IL17RA: variants seen among roughly 807,000 people sequenced by gnomAD.
The protein encoded by IL17RA is interleukin-17 receptor A.
Under a neutral mutation model 50.4 loss-of-function variants are expected in IL17RA, and 34 were observed. The observed-to-expected ratio is 0.67, with a 90% confidence interval of 0.51 to 0.90. IL17RA has a LOEUF of 0.90. Ranked by LOEUF, IL17RA falls within the 40% of genes least tolerant of loss-of-function variation. IL17RA has a pLI of 0.00. For synonymous variants in IL17RA, 585 were observed against 510.4 expected, an observed-to-expected ratio of 1.15 and a Z score of -1.97; for missense variants, 1,276 against 1,169.8, an observed-to-expected ratio of 1.09 and a Z score of -1.32.
chr22:17,094,683 C>CTATATA (rs1391959400), intron 1 of IL17RA, among the ~76,000 whole-genome samples: 1 of 47,030 alleles, frequency 2.1e-5, no homozygotes, highest in African/African-American at 1.1e-4. Flanking sequence ...CTCTCTCTCT[C>CTATATA]TCTCTCTCTA....
chr22:17,105,831 CACG>C lies in IL17RA; in HGVS notation c.944-21_944-19del. 6.2e-6 allele frequency: 10 copies of C among 1,600,514 alleles called. No individual in the cohort carries two copies. On this transcript the variant is annotated intron_variant, in intron 10 of 12. Coordinates refer to ENST00000319363, the MANE Select transcript of IL17RA (RefSeq NM_014339.7). ...GCAGGGCAGGCCCCGCCGCATCACT[CACG>C]CTGTTCTGCTCACCGCAGACTACAT...
At chr22:17,105,498 T>C in intron 9 of IL17RA, 93 bp from the exon 10 acceptor site, 1 of 1,270,082 alleles carries the variant, frequency 7.9e-7, no homozygotes, top group Non-Finnish European at 1.2e-6. Flanking sequence ...GCCAACATCA[T>C]TAAAGCCCTC....
intron 11 of IL17RA, among the ~76,000 whole-genome samples, chr22:17,106,908 G>A (rs1396836934): frequency 1.3e-5 from 2 of 152,160 alleles, no homozygotes; most frequent in African/African-American, 4.8e-5. Flanking sequence ...TCTGTTTTCC[G>A]AAGTGTCCTG....
intron 1 of IL17RA, among the ~76,000 whole-genome samples, chr22:17,090,097 A>T (rs1034314966): frequency 2.6e-5 from 4 of 152,038 alleles, no homozygotes; most frequent in African/African-American, 9.7e-5. Flanking sequence ...ATCTCTGCTC[A>T]CTGCAGCTTC....
chr22:17,096,795 G>T (rs41512346), intron 1 of IL17RA, among the ~76,000 whole-genome samples: 27 of 151,626 alleles, frequency 1.8e-4, no homozygotes, highest in African/African-American at 6.1e-4. Flanking sequence ...GCGTGAACCC[G>T]GGAGGCGGAG....
intron 1 of IL17RA, among the ~76,000 whole-genome samples, chr22:17,091,531 T>C (rs765404319): frequency 1.1e-4 from 17 of 151,878 alleles, no homozygotes; most frequent in Non-Finnish European, 2.1e-4. Flanking sequence ...AAAAAAAAAT[T>C]AGCCAGGCGT....
At chr22:17,087,462 A>G (rs1335554325) in intron 1 of IL17RA, among the ~76,000 whole-genome samples, 1 of 152,266 alleles carries the variant, frequency 6.6e-6, no homozygotes. Flanking sequence ...AGGCTTCTGC[A>G]CACCTGGCCT....
chr22:17,085,172 C>A lies in IL17RA; in HGVS notation c.81C>A (p.Ala27=). The A allele has an allele frequency of 6.6e-7, 1 of 1,524,966 alleles. No homozygotes were observed. Among genetic ancestry groups the A allele is most frequent in the Non-Finnish European group, 8.8e-7 (1 of 1,141,672 alleles). 94.5% of individuals were successfully genotyped at this position (1,524,966 alleles called of 1,614,324 possible). Residue 27 remains alanine (A), a synonymous_variant, in exon 1 of 13, where the codon GCC becomes GCA. Transcript: ENST00000319363. ...GLLLLLLGVL[A]PGGASLRLLD... is the part of the protein sequence containing the mutation. ...TCCTGCTGCTCCTGGGCGTGCTGGC[C>A]CCGGGTGGCGCCTCCCTGCGACTCC...
intron 1 of IL17RA, among the ~76,000 whole-genome samples, chr22:17,096,606 C>T (rs1001577926): frequency 5.9e-5 from 9 of 152,148 alleles, no homozygotes; most frequent in African/African-American, 2.2e-4. Flanking sequence ...CGCGGTGGCT[C>T]ACGCTTGTAA....
chr22:17,109,637 G>A lies in IL17RA; in HGVS notation c.2418G>A (p.Glu806=). The A allele has an allele frequency of 3.1e-6, 5 of 1,608,582 alleles. No homozygotes were observed. Among genetic ancestry groups the A allele is most frequent in the Non-Finnish European group, 4.2e-6 (5 of 1,178,026 alleles). The change falls in exon 13 of 13, where the codon GAG becomes GAA. Residue 806 remains glutamate, a synonymous_variant. Coordinates refer to ENST00000319363, the MANE Select transcript of IL17RA (RefSeq NM_014339.7). ...CCAGGAGCTCCCCGCAGCCCCCCGA[G>A]GGACTCACGGAAATGGAGGAAGAGG... The part of the protein sequence containing the change: ...YISRSSPQPP[E]GLTEMEEEEE...
rs1313872447 is a variant in IL17RA at position 17,086,491 on chromosome 22, C to A, written c.138+1262C>A. Among the ~76,000 whole-genome samples, 3 of 152,194 alleles carry A rather than the reference C, an allele frequency of 2.0e-5. No individual in the cohort carries two copies. In the East Asian group the frequency reaches 5.8e-4, roughly 29 times the overall value. On this transcript the variant is annotated intron_variant, in intron 1 of 12. Coordinates refer to ENST00000319363, the MANE Select transcript of IL17RA (RefSeq NM_014339.7). ...TCCCTCCTGCAGGCTGTGTATGAAGCGTTCTGATATGGAGGGTTGGTGCGC... is the reference window on the plus strand; with the variant it reads ...TCCCTCCTGCAGGCTGTGTATGAAGAGTTCTGATATGGAGGGTTGGTGCGC...
intron 1 of IL17RA, among the ~76,000 whole-genome samples, chr22:17,091,665 G>C (rs1013231333): frequency 2.0e-5 from 3 of 150,670 alleles, no homozygotes; most frequent in African/African-American, 7.4e-5. Flanking sequence ...GTGACAGAGC[G>C]AGACTCTGTC....
chr22:17,091,005 A>G (rs2061345972), intron 1 of IL17RA, among the ~76,000 whole-genome samples: 1 of 152,148 alleles, frequency 6.6e-6, no homozygotes, highest in Non-Finnish European at 1.5e-5. Context: ...CCTAGAGCAC[A>G]CTGTTCTCCA....
At chr22:17,099,770 G>A (rs1243602467) in intron 4 of IL17RA, among the ~76,000 whole-genome samples, 1 of 152,108 alleles carries the variant, frequency 6.6e-6, no homozygotes, top group East Asian at 1.9e-4. Context: ...CTAGAATGGG[G>A]GTTGGAGTCG....
chr22:17,097,102 C>G lies in IL17RA; in HGVS notation c.163+16C>G, dbSNP rs1016620043. The stretch of plus-strand genomic sequence containing the variant: ...GTCAAGAATAGTAAGTCATCTTTTT[C>G]TGTTCTTCTTCTTGTTGCCTTCTTA... On this transcript the variant is annotated intron_variant, in intron 2 of 12. Transcript: ENST00000319363. 3.7e-6 allele frequency: 6 copies of G among 1,611,872 alleles called. No individual in the cohort carries two copies. Among genetic ancestry groups the G allele is most frequent in the South Asian group, 3.3e-5 (3 of 91,032 alleles).
Position 17,085,014 on chromosome 22 carries a change from C to G in IL17RA, c.-78C>G. ...AAAGTGGAGCCGACTCGAACTCCAC[C>G]GCGGAAAAGAAAGCCTCAGAACGTT... On this transcript the variant is annotated 5_prime_UTR_variant, in exon 1 of 13. Transcript: ENST00000319363. The G allele has an allele frequency of 3.9e-6, 5 of 1,268,480 alleles. No homozygotes were observed. Among genetic ancestry groups the G allele is most frequent in the Non-Finnish European group, 5.0e-6 (5 of 1,003,846 alleles). The allele number at this position is 1,268,480 out of a possible 1,614,324, so 78.6% of individuals were successfully genotyped here.
rs762177800 is a variant in IL17RA at position 17,098,818 on chromosome 22, G to A, written c.354G>A (p.Gln118=). 2.0e-5 allele frequency: 32 copies of A among 1,614,118 alleles called. No individual in the cohort carries two copies. Among genetic ancestry groups the A allele is most frequent in the Non-Finnish European group, 2.7e-5 (32 of 1,180,048 alleles). The change falls in exon 4 of 13, where the codon CAG becomes CAA. Residue 118 remains glutamine (Q), a synonymous_variant. Coordinates refer to ENST00000319363, the MANE Select transcript of IL17RA (RefSeq NM_014339.7). Reference sequence around the variant, plus strand: ...AGGGTGCAGAGTTATCTGTCCTGCAGCTGAACACCAATGAACGTTTGTGCG... The same window carrying A: ...AGGGTGCAGAGTTATCTGTCCTGCAACTGAACACCAATGAACGTTTGTGCG... ...YLEGAELSVL[Q]LNTNERLCVR...
At position 17,110,071 on chromosome 22, in the gene IL17RA, G is replaced by T. The variant is rs998416948; in HGVS notation, c.*251G>T. Reference sequence around the variant, plus strand: ...GAGCTAATGGTAGAGCGTCCTTGAGGCTCCATTATTCGTTCATTCAGCATT... The same window carrying T: ...GAGCTAATGGTAGAGCGTCCTTGAGTCTCCATTATTCGTTCATTCAGCATT... On this transcript the variant is annotated 3_prime_UTR_variant, in exon 13 of 13. Coordinates refer to ENST00000319363, the MANE Select transcript of IL17RA (RefSeq NM_014339.7). 8 of 553,882 alleles carry T rather than the reference G, an allele frequency of 1.4e-5. No homozygotes were observed. Among genetic ancestry groups the T allele is most frequent in the Non-Finnish European group, 2.6e-5 (8 of 309,102 alleles). The allele number at this position is 553,882 out of a possible 1,614,324, so 34.3% of individuals were successfully genotyped here.
rs2061426881 is a variant in IL17RA at position 17,108,959 on chromosome 22, C to T, written c.1740C>T (p.Arg580=). ...ACAGGTTCCGGGACTGGCAGGTCCG[C>T]TGTCCCGACTGGTTCGAATGTGAGA... is the stretch of plus-strand genomic sequence containing the variant. The part of the protein sequence containing the change: ...ALDRFRDWQV[R]CPDWFECENL... Residue 580 remains arginine (R), a synonymous_variant, in exon 13 of 13, where the codon CGC becomes CGT. Coordinates refer to ENST00000319363, the MANE Select transcript of IL17RA (RefSeq NM_014339.7). The T allele has an allele frequency of 1.2e-6, 2 of 1,607,094 alleles. No homozygotes were observed. Among genetic ancestry groups the T allele is most frequent in the African/African-American group, 1.3e-5 (1 of 74,906 alleles).
Sources: gnomAD v4.1 joint callset for allele counts (sites outside exome capture counted in the v4.1 genomes callset) on GRCh38, gnomAD v4.1.1 for gene constraint, MANE v1.5 for transcripts, NCBI Gene and HGNC (gene_info 2026-07-23, HGNC 2026-07-21) for gene names.